LRRC28: variants seen among roughly 807,000 people sequenced by gnomAD.
LRRC28 encodes the protein leucine-rich repeat-containing protein 28.
Under a neutral mutation model 45.7 loss-of-function variants are expected in LRRC28, and 39 were observed. The observed-to-expected ratio is 0.85, with a 90% CI of 0.66 to 1.12. The LOEUF (loss-of-function observed/expected upper bound fraction) is 1.12. Ranked by LOEUF, LRRC28 falls within the 50% of genes most tolerant of loss-of-function variation. The probability of loss-of-function intolerance (pLI) is 0.00; values close to 1 mark genes in which losing one functional copy is unlikely to be tolerated. For synonymous variants in LRRC28, 206 were observed against 178.8 expected (o/e 1.15, Z -1.22); for missense variants, 435 against 438.5 (o/e 0.99, Z 0.07).
At chr15:99,289,991 A>C (rs1179173352) in intron 5 of LRRC28, among the ~76,000 whole-genome samples, 3 of 138,526 alleles carry the variant, frequency 2.2e-5, no homozygotes, top group Non-Finnish European at 4.6e-5. Context: ...GGCGCAGTGG[A>C]TCACACCTGT....
At chr15:99,311,965 G>A (rs1167129250) in intron 5 of LRRC28, among the ~76,000 whole-genome samples, 1 of 152,128 alleles carries the variant, frequency 6.6e-6, no homozygotes, top group Admixed American at 6.5e-5. Context: ...CCAGAATTAA[G>A]CCAATATTGA....
chr15:99,273,839 G>A (rs1053208456), intron 2 of LRRC28, among the ~76,000 whole-genome samples: 3 of 152,362 alleles, frequency 2.0e-5, no homozygotes, highest in Non-Finnish European at 2.9e-5. Context: ...ATGAAACTAG[G>A]TGAAGGTCTA....
chr15:99,347,932 C>A (rs981315965), intron 6 of LRRC28, among the ~76,000 whole-genome samples: 3 of 152,188 alleles, frequency 2.0e-5, no homozygotes, highest in African/African-American at 7.2e-5. Context: ...ACACCCTCAG[C>A]AACATTTGTT....
intron 5 of LRRC28, among the ~76,000 whole-genome samples, chr15:99,333,016 A>G (rs914261038): frequency 1.3e-5 from 2 of 152,210 alleles, no homozygotes; most frequent in African/African-American, 4.8e-5. Flanking sequence ...TCAACGTCTC[A>G]GTCTCCATGA....
chr15:99,285,521 CT>C, intron 3 of LRRC28: 1 of 1,078,194 alleles, frequency 9.3e-7, no homozygotes, highest in Non-Finnish European at 1.4e-6. Flanking sequence ...AAGCTCAGGC[CT>C]CCAATGAAGA....
chr15:99,331,781 A>G (rs564479645), intron 5 of LRRC28: 4 of 152,238 alleles, frequency 2.6e-5, no homozygotes, highest in Non-Finnish European at 4.4e-5. Context: ...TGCAAGCTGT[A>G]TGTAGTTTTT....
At chr15:99,285,139 A>G (rs1035214784) in intron 3 of LRRC28, 5 of 719,412 alleles carry the variant, frequency 7.0e-6, no homozygotes, top group Non-Finnish European at 1.3e-5. Context: ...TACAAAATCA[A>G]AGCCCCTTTT....
At chr15:99,363,742 T>C (rs934916099) in intron 9 of LRRC28, among the ~76,000 whole-genome samples, 2 of 152,218 alleles carry the variant, frequency 1.3e-5, no homozygotes, top group Admixed American at 6.5e-5. Context: ...GGCATTCTCA[T>C]GCCACTCTTT....
chr15:99,310,887 A>G (rs535486105), intron 5 of LRRC28, among the ~76,000 whole-genome samples: 4 of 152,112 alleles, frequency 2.6e-5, no homozygotes, highest in East Asian at 1.9e-4. Flanking sequence ...AATGCTTCCT[A>G]TTTTTCTTAT....
intron 2 of LRRC28, among the ~76,000 whole-genome samples, chr15:99,271,302 A>G (rs1482892375): frequency 6.9e-6 from 1 of 145,338 alleles, no homozygotes; most frequent in Non-Finnish European, 1.5e-5. Context: ...TTTTTTTGAG[A>G]TGAGTCTCAT....
At chr15:99,356,412 C>G (rs572613642) in intron 7 of LRRC28, among the ~76,000 whole-genome samples, 2 of 152,116 alleles carry the variant, frequency 1.3e-5, no homozygotes, top group Non-Finnish European at 2.9e-5. Flanking sequence ...AAAAAATTAA[C>G]TTGATGGACT....
At chr15:99,261,141 C>G (rs1287209945) in intron 2 of LRRC28, among the ~76,000 whole-genome samples, 1 of 152,114 alleles carries the variant, frequency 6.6e-6, no homozygotes, top group African/African-American at 2.4e-5. Context: ...TGACAAAAGT[C>G]CAGAACTTGG....
At chr15:99,385,265 C>T (rs1957948145) in intron 9 of LRRC28, among the ~76,000 whole-genome samples, 1 of 152,198 alleles carries the variant, frequency 6.6e-6, no homozygotes, top group Admixed American at 6.5e-5. Context: ...CTGGTAAAGT[C>T]TACAGAGGTC....
At chr15:99,332,841 G>T (rs8025443) in intron 5 of LRRC28, among the ~76,000 whole-genome samples, 14,337 of 152,190 alleles carry the variant, frequency 0.094, 957 homozygotes, top group East Asian at 0.3. Flanking sequence ...ACTGGAATGT[G>T]CACAGAGGGG....
chr15:99,357,209 A>G (rs1957070447), intron 7 of LRRC28, among the ~76,000 whole-genome samples: 1 of 152,192 alleles, frequency 6.6e-6, no homozygotes, highest in African/African-American at 2.4e-5. Context: ...AAATTCATAC[A>G]GCTCTCACTC....
intron 5 of LRRC28, among the ~76,000 whole-genome samples, chr15:99,304,727 A>G (rs35108411): frequency 0.097 from 14,735 of 152,184 alleles, 1,019 homozygotes; most frequent in East Asian, 0.33. Flanking sequence ...GATTACAGGC[A>G]TGAGCCACCG....
chr15:99,347,812 G>A (rs1956743556), intron 6 of LRRC28, among the ~76,000 whole-genome samples: 1 of 152,146 alleles, frequency 6.6e-6, no homozygotes, highest in South Asian at 2.1e-4. Flanking sequence ...GGATTGCTGA[G>A]TCATGTGGTA....
chr15:99,292,309 G>A (rs1322619146), intron 5 of LRRC28, among the ~76,000 whole-genome samples: 4 of 151,826 alleles, frequency 2.6e-5, no homozygotes, highest in Non-Finnish European at 2.9e-5. Flanking sequence ...TTGGTGGGAC[G>A]GAGTGTGTGT....
rs1448467985 is a variant in LRRC28, at chr15:99,349,903, G to A, written c.593-2466G>A. ...TGTAATCCCAGCACTTTGGGAGGCC[G>A]AGGCGGGTGGATCATGAGGTCAGGA... is the stretch of plus-strand genomic sequence containing the variant. On this transcript the variant is annotated intron_variant, in intron 6 of 9. Transcript: ENST00000301981. Among the ~76,000 whole-genome samples the A allele has an allele frequency of 4.6e-5, 7 of 151,980 alleles. No homozygotes were observed. In the South Asian group the frequency reaches 1.2e-3, roughly 27 times the overall value.
Sources: allele counts gnomAD v4.1 joint callset (sites outside exome capture counted in the v4.1 genomes callset), GRCh38; gene constraint gnomAD v4.1.1; transcripts MANE v1.5; gene names NCBI Gene and HGNC (gene_info 2026-07-23, HGNC 2026-07-21).